RABIF: variants seen among roughly 807,000 people sequenced by gnomAD.
The protein encoded by RABIF is guanine nucleotide exchange factor MSS4.
Under a neutral mutation model 12.3 loss-of-function variants are expected in RABIF, and 13 were observed. That is an observed-to-expected ratio of 1.06 (90% CI 0.69 to 1.68). RABIF has a LOEUF of 1.68. Among genes scored for constraint, RABIF ranks in the 40% most tolerant of loss-of-function variants. The pLI is 0.00. For missense variants in RABIF, 153 were observed against 158.0 expected, an observed-to-expected ratio of 0.97 and a Z score of 0.17; for synonymous variants, 70 against 63.3, an observed-to-expected ratio of 1.11 and a Z score of -0.50.
rs187170975 is a variant in RABIF, at chr1:202,885,670, C to T, written c.126+3303G>A. ...CTAAGGATGGAACTGTTTTTCCCCA[C>T]CTTAAAATGTGTGACACAGAGCAGG... On this transcript the variant is annotated intron_variant, in intron 1 of 1. Coordinates refer to ENST00000367262, the MANE Select transcript of RABIF (RefSeq NM_002871.5). 2.0e-4 allele frequency among the ~76,000 whole-genome samples: 30 copies of T among 152,338 alleles called. 1 individual carries two copies. In the East Asian group the frequency reaches 5.2e-3, roughly 26 times the overall value.
In RABIF at chr1:202,882,362, C is replaced by T. The variant is rs534793518; in HGVS notation, c.127-1139G>A. Among the ~76,000 whole-genome samples, 6 of 152,118 alleles carry T rather than the reference C, an allele frequency of 3.9e-5. No individual in the cohort carries two copies. In the East Asian group the frequency reaches 9.7e-4, roughly 25 times the overall value. ...TCACACCACTGCTCTCCAGCCTGGG[C>T]GACAGAGCGAGACTCTGTCTCAAAA... On this transcript the variant is annotated intron_variant, in intron 1 of 1. Coordinates refer to ENST00000367262, the MANE Select transcript of RABIF (RefSeq NM_002871.5).
intron 1 of RABIF, among the ~76,000 whole-genome samples, chr1:202,881,982 A>G (rs752778761): frequency 1.3e-5 from 2 of 152,236 alleles, no homozygotes; most frequent in Non-Finnish European, 2.9e-5. Context: ...TTTTGTTTAA[A>G]TAGTTTTATT....
rs1486470121 is a variant in RABIF at position 202,880,051 on chromosome 1, A to G, written c.*927T>C. The G allele has an allele frequency of 6.6e-6, 1 of 152,234 alleles. No individual in the cohort carries two copies. Among genetic ancestry groups the G allele is most frequent in the African/African-American group, 2.4e-5 (1 of 41,470 alleles). The allele number at this position is 152,234 out of a possible 1,614,324, so 9.4% of individuals were successfully genotyped here. On this transcript the variant is annotated 3_prime_UTR_variant, in exon 2 of 2. Transcript: ENST00000367262. The stretch of plus-strand genomic sequence containing the variant: ...GTTGAACCAAAACTCCATGAGGACC[A>G]TGCCCAGTAGGTTCAGTAAATGATA...
chr1:202,886,569 AGG>A (rs1045836163), intron 1 of RABIF, among the ~76,000 whole-genome samples: 16 of 151,998 alleles, frequency 1.1e-4, no homozygotes, highest in Admixed American at 9.2e-4. Flanking sequence ...TCGGCGACAG[AGG>A]GAGACTCCAT....
At position 202,878,459 on chromosome 1, in the gene RABIF, A is replaced by G. The variant is rs1013638031; in HGVS notation, c.*2519T>C. ...TCTTGGTGTGTTCACACAGATTTCT[A>G]AAGTATTTTGTCCAGCCTTTCTAGT... On this transcript the variant is annotated 3_prime_UTR_variant, in exon 2 of 2. Transcript: ENST00000367262. 9.9e-5 allele frequency among the ~76,000 whole-genome samples: 15 copies of G among 152,184 alleles called. No homozygotes were observed. Among genetic ancestry groups the G allele is most frequent in the African/African-American group, 2.9e-4 (12 of 41,438 alleles).
chr1:202,888,865 G>T (rs984550599), intron 1 of RABIF, 108 bp downstream of exon 1: 2 of 1,397,606 alleles, frequency 1.4e-6, no homozygotes, highest in Non-Finnish European at 1.9e-6. Context: ...AAGGCCGCGC[G>T]AGGAGGGCGC....
At chr1:202,882,648 T>C (rs960277958) in intron 1 of RABIF, among the ~76,000 whole-genome samples, 11 of 150,552 alleles carry the variant, frequency 7.3e-5, no homozygotes, top group African/African-American at 2.7e-4. Context: ...ACACATTCAT[T>C]TCCCCTGGAA....
rs141723574 is a variant in RABIF at position 202,880,934 on chromosome 1, G to A, written c.*44C>T. The A allele has an allele frequency of 8.7e-6, 14 of 1,603,626 alleles. No individual in the cohort carries two copies. The African/African-American group carries it at 1.9e-4, about 21-fold the overall frequency. On this transcript the variant is annotated 3_prime_UTR_variant, in exon 2 of 2. Transcript: ENST00000367262. ...CATTAAAGGCCAGTTCTTGTGGGGA[G>A]TAGGTTTATCTTTGGAGATGGAGCT...
rs61356068 is a variant in RABIF at position 202,887,024 on chromosome 1, G to GTTT, written c.126+1946_126+1948dup. Among the ~76,000 whole-genome samples, 23 of 90,684 alleles carry GTTT rather than the reference G, an allele frequency of 2.5e-4. 1 individual carries two copies. The highest frequency in any genetic ancestry group is 6.8e-4 in the African/African-American group (17 of 25,094). 59.5% of individuals were successfully genotyped at this position (90,684 alleles called of 152,430 possible). A position where few individuals can be genotyped will look rare whatever the true frequency, so the allele number is the denominator to read the frequency against. ...AGCTGGGATTACAGGTGTGGGCTAT[G>GTTT]TTTTGTTTTTTTTTTTTTTTTTTAA... On this transcript the variant is annotated intron_variant, in intron 1 of 1. Coordinates refer to ENST00000367262, the MANE Select transcript of RABIF (RefSeq NM_002871.5).
chr1:202,886,716 G>C (rs966378778), intron 1 of RABIF, among the ~76,000 whole-genome samples: 14 of 150,350 alleles, frequency 9.3e-5, no homozygotes, highest in Admixed American at 6.7e-4. Context: ...GAGCAATACA[G>C]TGAGCGCGTC....
chr1:202,886,034 TA>T (rs946096734), intron 1 of RABIF, among the ~76,000 whole-genome samples: 2 of 151,630 alleles, frequency 1.3e-5, no homozygotes, highest in Non-Finnish European at 2.9e-5. Context: ...TAAAATGCAT[TA>T]AAAAAATTCT....
chr1:202,889,043 T>C lies in RABIF; in HGVS notation c.56A>G (p.Lys19Arg). ...GCCGCAACGCTGGCACAGCACCGCC[T>C]TCCGGTTTCGGCCCTCGGCTGACAC... is the stretch of plus-strand genomic sequence containing the variant. ...ELVSAEGRNR[K>R]AVLCQRCGSR... Residue 19 changes from lysine (K) to arginine (R), a missense_variant, in exon 1 of 2, where the codon AAG becomes AGG. Transcript: ENST00000367262. 6.2e-7 allele frequency: 1 copy of C among 1,610,840 alleles called. No individual in the cohort carries two copies. The highest frequency in any genetic ancestry group is 8.5e-7 in the Non-Finnish European group (1 of 1,178,938).
chr1:202,888,612 C>A (rs1571506735), intron 1 of RABIF, among the ~76,000 whole-genome samples: 2 of 152,206 alleles, frequency 1.3e-5, no homozygotes, highest in African/African-American at 4.8e-5. Context: ...GCGGGAGCTC[C>A]GAGAGCCGGA....
At position 202,888,854 on chromosome 1, in the gene RABIF, T is replaced by G. The variant is rs1239775393; in HGVS notation, c.126+119A>C. 2.9e-6 allele frequency: 4 copies of G among 1,380,314 alleles called. No individual in the cohort carries two copies. In the Admixed American group the frequency reaches 1.3e-4, roughly 44 times the overall value. The allele number at this position is 1,380,314 out of a possible 1,614,324, so 85.5% of individuals were successfully genotyped here. A position where few individuals can be genotyped will look rare whatever the true frequency, so the allele number is the denominator to read the frequency against. ...GAGCTGAGGCCCGAGGGGCGGGGCT[T>G]AAGGCCGCGCGAGGAGGGCGCGGTT... On this transcript the variant is annotated intron_variant, in intron 1 of 1. Coordinates refer to ENST00000367262, the MANE Select transcript of RABIF (RefSeq NM_002871.5).
chr1:202,882,534 T>A (rs1429663023), intron 1 of RABIF, among the ~76,000 whole-genome samples: 2 of 152,280 alleles, frequency 1.3e-5, no homozygotes, highest in African/African-American at 4.8e-5. Flanking sequence ...CCAACCTGGA[T>A]GACAGAGTGA....
chr1:202,883,760 T>C (rs1000437732), intron 1 of RABIF, among the ~76,000 whole-genome samples: 1 of 152,248 alleles, frequency 6.6e-6, no homozygotes, highest in Admixed American at 6.5e-5. Context: ...TGATTTGTGA[T>C]TTAAAGGTAC....
chr1:202,881,302 C>T, intron 1 of RABIF, 79 bp from the exon 2 acceptor site: 1 of 1,513,096 alleles, frequency 6.6e-7, no homozygotes, highest in Non-Finnish European at 8.8e-7. Flanking sequence ...AGGTACACTT[C>T]ACATTGCTCC....
chr1:202,881,894 G>T (rs1451000803), intron 1 of RABIF, among the ~76,000 whole-genome samples: 1 of 152,192 alleles, frequency 6.6e-6, no homozygotes, highest in Non-Finnish European at 1.5e-5. Flanking sequence ...CTCCTCAGTA[G>T]TCAGCTCAAA....
In RABIF at chr1:202,887,048, A is replaced by T. The variant is rs868319369; in HGVS notation, c.126+1925T>A. On this transcript the variant is annotated intron_variant, in intron 1 of 1. Transcript: ENST00000367262. ...TGTTTTGTTTTTTTTTTTTTTTTTT[A>T]AAGAAAAAACAATTAAGAATTTTAA... Among the ~76,000 whole-genome samples, 24 of 129,774 alleles carry T rather than the reference A, an allele frequency of 1.8e-4. 1 individual carries two copies. Among genetic ancestry groups the T allele is most frequent in the Admixed American group, 3.7e-4 (5 of 13,352 alleles). 85.1% of individuals were successfully genotyped at this position (129,774 alleles called of 152,430 possible).
Sources: allele counts gnomAD v4.1 joint callset (sites outside exome capture counted in the v4.1 genomes callset), GRCh38; gene constraint gnomAD v4.1.1; transcripts MANE v1.5; gene names NCBI Gene and HGNC (gene_info 2026-07-23, HGNC 2026-07-21).